FRMD4B: variants seen among roughly 807,000 people sequenced by gnomAD.
FRMD4B encodes the protein FERM domain containing 4B, also known as FERM domain-containing protein 4B.
FRMD4B carries 74 observed loss-of-function variants against 141.5 expected under a neutral mutation model. The ratio of observed to expected loss-of-function variants is 0.52; its 90% CI spans 0.43 to 0.63. The LOEUF is 0.63. Among genes scored for constraint, FRMD4B ranks in the 30% least tolerant of loss-of-function variants. The pLI, the probability that FRMD4B is intolerant of heterozygous loss-of-function variation, is 0.00. For missense variants in FRMD4B, 1,366 were observed against 1,253.4 expected (o/e 1.09, Z -1.36); for synonymous variants, 506 against 467.9 (o/e 1.08, Z -1.05).
intron 2 of FRMD4B, among the ~76,000 whole-genome samples, chr3:69,429,750 C>CTTTTTT (rs60665985): frequency 2.1e-4 from 17 of 79,476 alleles, no homozygotes; most frequent in East Asian, 9.0e-4. Context: ...GAGACCTCTT[C>CTTTTTT]TTTTTTTTTT....
chr3:69,251,791 A>G (rs1018057817), intron 5 of FRMD4B, among the ~76,000 whole-genome samples: 10 of 152,250 alleles, frequency 6.6e-5, no homozygotes, highest in African/African-American at 2.4e-4. Context: ...TGGTTTTCCA[A>G]TCTGGTGAAA....
intron 1 of FRMD4B, among the ~76,000 whole-genome samples, chr3:69,540,888 T>C (rs776875113): frequency 5.3e-5 from 8 of 151,936 alleles, no homozygotes; most frequent in Non-Finnish European, 1.2e-4. Flanking sequence ...TCATGGATTA[T>C]GGATGATGCC....
At chr3:69,281,748 C>A (rs1168320105) in intron 5 of FRMD4B, among the ~76,000 whole-genome samples, 1 of 151,054 alleles carries the variant, frequency 6.6e-6, no homozygotes, top group African/African-American at 2.4e-5. Flanking sequence ...CGCTTGAACC[C>A]AGAAGGCGGA....
intron 1 of FRMD4B, among the ~76,000 whole-genome samples, chr3:69,371,430 G>A (rs922523503): frequency 3.3e-5 from 5 of 152,192 alleles, no homozygotes; most frequent in Non-Finnish European, 4.4e-5. Flanking sequence ...AGATAGTAAG[G>A]CCAGGTTGTT....
chr3:69,280,030 C>A (rs183132182), intron 5 of FRMD4B, among the ~76,000 whole-genome samples: 6 of 152,144 alleles, frequency 3.9e-5, no homozygotes, highest in African/African-American at 1.4e-4. Context: ...TCCATGTTGG[C>A]TGATTACTAA....
intron 2 of FRMD4B, among the ~76,000 whole-genome samples, chr3:69,407,182 C>T (rs1467566648): frequency 6.6e-6 from 1 of 152,162 alleles, no homozygotes; most frequent in African/African-American, 2.4e-5. Flanking sequence ...GATGTTCCCA[C>T]TCCAGCCCCT....
At chr3:69,469,551 T>C (rs986911816) in intron 1 of FRMD4B, among the ~76,000 whole-genome samples, 1 of 152,214 alleles carries the variant, frequency 6.6e-6, no homozygotes, top group Non-Finnish European at 1.5e-5. Flanking sequence ...CTGAACTTCA[T>C]TGATTTTCCT....
At chr3:69,251,561 C>T (rs1176566043) in intron 5 of FRMD4B, among the ~76,000 whole-genome samples, 1 of 152,216 alleles carries the variant, frequency 6.6e-6, no homozygotes, top group African/African-American at 2.4e-5. Flanking sequence ...CCTTATATTA[C>T]AAGATGAAAA....
chr3:69,370,484 G>C (rs1384932), intron 1 of FRMD4B, among the ~76,000 whole-genome samples: 143,100 of 152,076 alleles, frequency 0.94, 67,972 homozygotes, highest in East Asian at 1. Flanking sequence ...GAGGAAATAA[G>C]CTACTCTGCT....
In FRMD4B at chr3:69,472,739, A is replaced by AGGGGACCC. The variant is rs1387063122; in HGVS notation, c.-128-39986_-128-39979dup. On this transcript the variant is annotated intron_variant, in intron 1 of 5. Transcript: ENST00000459638. ...AAGAAGAAAGCTCTCCGCTGCAGAGAGGGGACCCGGAAGAGGGGTTGCCAC... is the reference window on the plus strand; with the variant it reads ...AAGAAGAAAGCTCTCCGCTGCAGAGAGGGGACCCGGGGACCCGGAAGAGGGGTTGCCAC... 3.0e-4 allele frequency among the ~76,000 whole-genome samples: 46 copies of AGGGGACCC among 152,148 alleles called. No homozygotes were observed. The Middle Eastern group carries it at 0.024, about 79-fold the overall frequency.
At chr3:69,225,767 A>G (rs2093248611) in intron 7 of FRMD4B, among the ~76,000 whole-genome samples, 1 of 148,590 alleles carries the variant, frequency 6.7e-6, no homozygotes, top group South Asian at 2.2e-4. Context: ...ATAGTTGGTT[A>G]TGAGAGAAAA....
rs1031948564 is a variant in FRMD4B at position 69,207,983 on chromosome 3, A to G, written c.876+8280T>C. ...TAACTTCCGCTTCCTGGGTTCAAGC[A>G]ATTCTCTTGCCTCAGCCTCCCAAGT... On this transcript the variant is annotated intron_variant, in intron 11 of 22. Transcript: ENST00000398540. Among the ~76,000 whole-genome samples, 5 of 152,034 alleles carry G rather than the reference A, an allele frequency of 3.3e-5. No individual in the cohort carries two copies. In the East Asian group the frequency reaches 9.7e-4, roughly 30 times the overall value.
At chr3:69,506,442 A>G (rs923203425) in intron 1 of FRMD4B, among the ~76,000 whole-genome samples, 1 of 152,200 alleles carries the variant, frequency 6.6e-6, no homozygotes, top group Non-Finnish European at 1.5e-5. Context: ...AGTGTAAAAA[A>G]AAAAAAATCT....
intron 1 of FRMD4B, among the ~76,000 whole-genome samples, chr3:69,325,309 C>G (rs1442216578): frequency 6.6e-6 from 1 of 152,212 alleles, no homozygotes. Context: ...GCCATTGCTG[C>G]AGCTCTAATG....
chr3:69,278,453 C>T (rs1019724093), intron 5 of FRMD4B, among the ~76,000 whole-genome samples: 1 of 151,672 alleles, frequency 6.6e-6, no homozygotes, highest in African/African-American at 2.4e-5. Flanking sequence ...CACACACTAA[C>T]TTATTGGCTA....
At chr3:69,179,513 T>C (rs1370775220) in intron 21 of FRMD4B, among the ~76,000 whole-genome samples, 1 of 152,198 alleles carries the variant, frequency 6.6e-6, no homozygotes, top group African/African-American at 2.4e-5. Context: ...GATGTGGTAA[T>C]AGATGGGACA....
intron 7 of FRMD4B, among the ~76,000 whole-genome samples, chr3:69,232,306 C>T (rs2093313372): frequency 6.6e-6 from 1 of 152,144 alleles, no homozygotes; most frequent in Non-Finnish European, 1.5e-5. Context: ...AGTGACCAAA[C>T]CAGAAATTGC....
chr3:69,241,805 TTTGCAGTGAGCTGCGA>T (rs2093386219), intron 7 of FRMD4B, among the ~76,000 whole-genome samples: 2 of 151,602 alleles, frequency 1.3e-5, no homozygotes, highest in South Asian at 4.2e-4. Flanking sequence ...GGAGGCGGAG[TTTGCAGTGAGCTGCGA>T]TTGCACCACT....
At chr3:69,294,845 G>T (rs1700987806) in intron 4 of FRMD4B, among the ~76,000 whole-genome samples, 1 of 152,128 alleles carries the variant, frequency 6.6e-6, no homozygotes, top group African/African-American at 2.4e-5. Flanking sequence ...GAGGGAGTGG[G>T]GAGGGGAGGC....
Sources: gnomAD v4.1 joint callset for allele counts (sites outside exome capture counted in the v4.1 genomes callset) on GRCh38, gnomAD v4.1.1 for gene constraint, MANE v1.5 for transcripts, NCBI Gene and HGNC (gene_info 2026-07-23, HGNC 2026-07-21) for gene names.